Variants in GIGYF1 observed in about 807,000 individuals in gnomAD.
The protein encoded by GIGYF1 is GRB10 interacting GYF protein 1, also known as GRB10-interacting GYF protein 1.
Under a neutral mutation model 147.1 loss-of-function variants are expected in GIGYF1, and 84 were observed. That is an observed-to-expected ratio of 0.57 (90% CI 0.48 to 0.68). The LOEUF (loss-of-function observed/expected upper bound fraction) is 0.68, where lower values mean the gene tolerates loss of function less well. Ranked by LOEUF, GIGYF1 falls within the 30% of genes least tolerant of loss-of-function variation. The pLI is 0.00. For missense variants in GIGYF1, 1,485 were observed against 1,393.7 expected (o/e 1.07, Z -1.04); for synonymous variants, 752 against 589.5 (o/e 1.28, Z -3.99).
Position 100,687,348 on chromosome 7 carries a change from G to C in GIGYF1, c.432C>G (p.Ala144=). 1.2e-6 allele frequency: 2 copies of C among 1,613,330 alleles called. No homozygotes were observed. Among genetic ancestry groups the C allele is most frequent in the Non-Finnish European group, 1.7e-6 (2 of 1,179,968 alleles). ...GGATTTCCCGGGGGCTTCGTCCAAA[G>C]GCCCCATCGCCTTCTTCGATGCTTC... The part of the protein sequence containing the change: ...YQRSIEEGDG[A]FGRSPREIQR... Residue 144 remains alanine (A), a synonymous_variant, in exon 8 of 27, where the codon GCC becomes GCG. Coordinates refer to ENST00000678049, the MANE Select transcript of GIGYF1 (RefSeq NM_001375765.1).
Position 100,682,164 on chromosome 7 carries a change from G to A in GIGYF1, c.2833C>T (p.Leu945=), listed in dbSNP as rs781605287. The A allele has an allele frequency of 2.5e-6, 4 of 1,614,006 alleles. No individual in the cohort carries two copies. The highest frequency in any genetic ancestry group is 1.6e-4 in the Middle Eastern group (1 of 6,062). Residue 945 remains leucine (L), a synonymous_variant, in exon 25 of 27, where the codon CTG becomes TTG. Coordinates refer to ENST00000678049, the MANE Select transcript of GIGYF1 (RefSeq NM_001375765.1). The part of the protein sequence containing the change: ...YDVHDYIRSC[L]GDTLEAKEFA... Reference sequence around the variant, plus strand: ...TCTTTGGCTTCCAGCGTGTCCCCCAGGCAGGAACGGATATAATCGTGGACA... The same window carrying A: ...TCTTTGGCTTCCAGCGTGTCCCCCAAGCAGGAACGGATATAATCGTGGACA...
Position 100,685,102 on chromosome 7 carries a change from C to A in GIGYF1, c.1237G>T (p.Ala413Ser). Reference protein sequence around the residue: ...IQLSPGVGSSAGPPGDLEDDE... With the variant: ...IQLSPGVGSSSGPPGDLEDDE... ...TCCTCCAGATCTCCGGGTGGGCCAG[C>A]AGAGGAGCCCACCCCGGGACTCAGC... Residue 413 changes from alanine (A) to serine (S), a missense_variant, in exon 14 of 27, where the codon GCT becomes TCT. Physicochemically the swap from Ala to Ser is moderately conservative, Grantham distance 99 (BLOSUM62 1). Transcript: ENST00000678049. 6.3e-7 allele frequency: 1 copy of A among 1,582,478 alleles called. No individual in the cohort carries two copies. The highest frequency in any genetic ancestry group is 2.3e-5 in the East Asian group (1 of 43,522).
chr7:100,684,878 A>C lies in GIGYF1; in HGVS notation c.1307T>G (p.Val436Gly). 5 of 1,604,542 alleles carry C rather than the reference A, an allele frequency of 3.1e-6. No individual in the cohort carries two copies. Among genetic ancestry groups the C allele is most frequent in the Non-Finnish European group, 4.3e-6 (5 of 1,174,750 alleles). ...CAAGGAGCTGTCCTGCAGGGAGGCC[A>C]CCAGCTTCTCCGCCTCCTGGATGCC... ...KHLQQEAEKL[V>G]ASLQDSSLEE... Residue 436 changes from valine to glycine, a missense_variant, in exon 15 of 27, where the codon GTG becomes GGG. Transcript: ENST00000678049.
At chr7:100,691,506 A>ATTTTTTTTTTTT (rs373899398) in intron 1 of GIGYF1, among the ~76,000 whole-genome samples, 1 of 147,620 alleles carries the variant, frequency 6.8e-6, no homozygotes, top group South Asian at 2.1e-4. Context: ...AAAAGAATAG[A>ATTTTTTTTTTTT]TTTTTTTTTT....
intron 8 of GIGYF1, 98 bp from the exon 9 acceptor site, chr7:100,687,144 G>A: frequency 6.5e-7 from 1 of 1,545,422 alleles, no homozygotes; most frequent in Non-Finnish European, 8.9e-7. Flanking sequence ...TGAGGCAGTG[G>A]AGGGAGGAAG....
Position 100,684,056 on chromosome 7 carries a change from G to A in GIGYF1, c.1832C>T (p.Ala611Val). The A allele has an allele frequency of 6.2e-7, 1 of 1,601,720 alleles. No homozygotes were observed. The highest frequency in any genetic ancestry group is 1.1e-5 in the South Asian group (1 of 90,848). Residue 611 changes from alanine (A) to valine (V), a missense_variant, in exon 18 of 27, where the codon GCA becomes GTA. Physicochemically the swap from Ala to Val is moderately conservative, Grantham distance 64. Coordinates refer to ENST00000678049, the MANE Select transcript of GIGYF1 (RefSeq NM_001375765.1). ...GAGCGCCTGGAGCTGCTGCAGGAAT[G>A]CCGTGAGCTGCTGCTGCTGCTGCTG... is the stretch of plus-strand genomic sequence containing the variant. ...PPQQQQQQLT[A>V]FLQQLQALKP...
chr7:100,685,224 C>G, intron 13 of GIGYF1, 78 bp from the exon 14 acceptor site: 1 of 1,518,010 alleles, frequency 6.6e-7, no homozygotes, highest in Non-Finnish European at 9.0e-7. Context: ...CACTCCAGAA[C>G]ACCACGCTCT....
At position 100,681,334 on chromosome 7, in the gene GIGYF1, TTTCATTTTTCATCTTTTTTTCTTAA is replaced by T. The variant is rs777501129; in HGVS notation, c.*360_*384del. The T allele has an allele frequency of 1.3e-5, 2 of 155,464 alleles. No individual in the cohort carries two copies. The highest frequency in any genetic ancestry group is 2.7e-5 in the Non-Finnish European group (2 of 72,778). 9.6% of individuals were successfully genotyped at this position (155,464 alleles called of 1,614,324 possible). A position where few individuals can be genotyped will look rare whatever the true frequency, so the allele number is the denominator to read the frequency against. On this transcript the variant is annotated 3_prime_UTR_variant, in exon 27 of 27. Transcript: ENST00000678049. Reference sequence around the variant, plus strand: ...CTTTCAGCCTCCTAACCATTTTTTTTTTCATTTTTCATCTTTTTTTCTTAAAAAAAAAAAAAAAACCAAAAAACAA... The same window carrying T: ...CTTTCAGCCTCCTAACCATTTTTTTTAAAAAAAAAAAAAACCAAAAAACAA...
chr7:100,685,169 T>A, intron 13 of GIGYF1, 23 bp from the exon 14 acceptor site: 1 of 1,557,294 alleles, frequency 6.4e-7, no homozygotes, highest in African/African-American at 1.4e-5. Flanking sequence ...AGATAGGAGG[T>A]GGAAAGAAGG....
chr7:100,686,891 G>A, intron 9 of GIGYF1, 72 bp from the exon 10 acceptor site: 33 of 1,603,744 alleles, frequency 2.1e-5, no homozygotes, highest in Non-Finnish European at 2.7e-5. Flanking sequence ...AAACGTTGGG[G>A]GGGCCAGCTC....
Position 100,682,323 on chromosome 7 carries a change from G to A in GIGYF1, c.2760C>T (p.Asp920=), listed in dbSNP as rs117080933. 0.032 allele frequency: 51,590 copies of A among 1,611,722 alleles called. 959 individuals carry two copies. Among genetic ancestry groups the A allele is most frequent in the Middle Eastern group, 0.053 (319 of 6,052 alleles). ...ACCTCCTGGGAGCCGCTCGCCCACC[G>A]TCCAGGCTGCCCGTGGCGCTCAGCG... ...LHTLSATGSL[D]VPMAVAILKE... The change falls in exon 24 of 27, where the codon GAC becomes GAT. Residue 920 remains aspartate (D), a splice_region_variant and synonymous_variant. Transcript: ENST00000678049.
Position 100,682,675 on chromosome 7 carries a change from C to T in GIGYF1, c.2515G>A (p.Gly839Arg), listed in dbSNP as rs933902295. ...DKSGGGSSGL[G>R]LWEDTPKSGG... ...CTCTTGGGGGTGTCCTCCCAGAGCC[C>T]CAGGCCGCTGCTGCCGCCCCCACTC... The change falls in exon 23 of 27, where the codon GGG becomes AGG. Residue 839 changes from glycine to arginine, a missense_variant. Transcript: ENST00000678049. The T allele has an allele frequency of 3.1e-6, 5 of 1,601,836 alleles. No homozygotes were observed. The highest frequency in any genetic ancestry group is 1.3e-5 in the African/African-American group (1 of 74,660).
chr7:100,693,069 G>A (rs969042960), intron 1 of GIGYF1, among the ~76,000 whole-genome samples: 10 of 152,120 alleles, frequency 6.6e-5, no homozygotes, highest in African/African-American at 2.4e-4. Flanking sequence ...CAAGAGGGTG[G>A]GAAAGCTGAC....
rs199929208 is a variant in GIGYF1, at chr7:100,681,781, G to A, written c.3056-10C>T. On this transcript the variant is annotated splice_polypyrimidine_tract_variant and intron_variant, in intron 26 of 26. Coordinates refer to ENST00000678049, the MANE Select transcript of GIGYF1 (RefSeq NM_001375765.1). ...CCGTGCAGGGAGTACCCTGAAGCCG[G>A]GGAGAAGCTGCGTCTGAGCTCTCTC... 27 of 1,590,432 alleles carry A rather than the reference G, an allele frequency of 1.7e-5. No homozygotes were observed. Among genetic ancestry groups the A allele is most frequent in the Non-Finnish European group, 2.2e-5 (26 of 1,166,908 alleles).
In GIGYF1 at chr7:100,680,552, C is replaced by T. The variant is rs1016186842; in HGVS notation, c.*1167G>A. ...GCATCATATCAGACCCGGAAGGCCACCTGCTCCTCTCCCATTTGGTCAGCG... is the reference window on the plus strand; with the variant it reads ...GCATCATATCAGACCCGGAAGGCCATCTGCTCCTCTCCCATTTGGTCAGCG... On this transcript the variant is annotated 3_prime_UTR_variant, in exon 27 of 27. Coordinates refer to ENST00000678049, the MANE Select transcript of GIGYF1 (RefSeq NM_001375765.1). 23 of 152,800 alleles carry T rather than the reference C, an allele frequency of 1.5e-4. No individual in the cohort carries two copies. Among genetic ancestry groups the T allele is most frequent in the African/African-American group, 5.5e-4 (23 of 41,572 alleles). 9.5% of individuals were successfully genotyped at this position (152,800 alleles called of 1,614,324 possible).
rs1295355548 is a variant in GIGYF1 at position 100,682,248 on chromosome 7, C to A, written c.2762-13G>T. The A allele has an allele frequency of 6.2e-7, 1 of 1,609,162 alleles. No homozygotes were observed. The highest frequency in any genetic ancestry group is 1.1e-5 in the South Asian group (1 of 91,066). On this transcript the variant is annotated splice_polypyrimidine_tract_variant and intron_variant, in intron 24 of 26. Transcript: ENST00000678049. ...ACAGCCATGGGCACTGCAGGATGAGCGAAGGCTGTCAGGGCCCCCTGGCCG... is the reference window on the plus strand; with the variant it reads ...ACAGCCATGGGCACTGCAGGATGAGAGAAGGCTGTCAGGGCCCCCTGGCCG...
At chr7:100,693,642 G>C (rs890841538) in intron 1 of GIGYF1, among the ~76,000 whole-genome samples, 1 of 152,186 alleles carries the variant, frequency 6.6e-6, no homozygotes, top group African/African-American at 2.4e-5. Flanking sequence ...AGAACTCCGG[G>C]AAGCGCGGGG....
chr7:100,686,837 A>G lies in GIGYF1; in HGVS notation c.524-18T>C, dbSNP rs572039399. ...ACATCGTGCTGGGAGACGGGAAGAC[A>G]GGGGCAGTTATTAGAAAGGCAGCGT... On this transcript the variant is annotated intron_variant, in intron 9 of 26. Coordinates refer to ENST00000678049, the MANE Select transcript of GIGYF1 (RefSeq NM_001375765.1). 9 of 1,612,536 alleles carry G rather than the reference A, an allele frequency of 5.6e-6. No homozygotes were observed. In the South Asian group the frequency reaches 9.9e-5, roughly 18 times the overall value.
chr7:100,687,073 G>A (rs1236403844), intron 8 of GIGYF1, 27 bp from the exon 9 acceptor site: 1 of 1,613,642 alleles, frequency 6.2e-7, no homozygotes, highest in Non-Finnish European at 8.5e-7. Context: ...GTGTGGGTCA[G>A]AAACAGTACA....
Sources: gnomAD v4.1 joint callset for allele counts (sites outside exome capture counted in the v4.1 genomes callset) on GRCh38, gnomAD v4.1.1 for gene constraint, MANE v1.5 for transcripts, NCBI Gene and HGNC (gene_info 2026-07-23, HGNC 2026-07-21) for gene names.